The following ADGRL2 variants were observed in gnomAD, a reference collection of about 807,000 sequenced individuals.
ADGRL2 encodes calcium-independent alpha-latrotoxin receptor 2.
In ADGRL2, 44 loss-of-function variants were observed where a neutral mutation model predicts 157.4. The observed-to-expected ratio is 0.28, with a 90% CI of 0.22 to 0.36. ADGRL2 has a LOEUF of 0.36. ADGRL2 is among the 10% of genes least tolerant of loss of function. ADGRL2 has a pLI of 1.00. For synonymous variants in ADGRL2, 585 were observed against 624.7 expected, an observed-to-expected ratio of 0.94 and a Z score of 0.95; for missense variants, 1,510 against 1,768.9, an observed-to-expected ratio of 0.85 and a Z score of 2.63.
At chr1:81,773,901 G>C (rs1390844033) in intron 2 of ADGRL2, among the ~76,000 whole-genome samples, 2 of 152,136 alleles carry the variant, frequency 1.3e-5, no homozygotes, top group African/African-American at 4.8e-5. Flanking sequence ...AGGTCATCGG[G>C]GTGGCCCCAA....
intron 1 of ADGRL2, among the ~76,000 whole-genome samples, chr1:81,802,412 C>T (rs918053578): frequency 6.6e-6 from 1 of 152,002 alleles, no homozygotes; most frequent in Non-Finnish European, 1.5e-5. Context: ...TCGCTCCCTC[C>T]CCCCAATCTC....
chr1:81,432,468 G>A (rs1225874137), intron 1 of ADGRL2, among the ~76,000 whole-genome samples: 1 of 152,180 alleles, frequency 6.6e-6, no homozygotes, highest in East Asian at 1.9e-4. Context: ...CTGTAATTAT[G>A]TTGATTTTTT....
At chr1:81,443,365 C>T (rs1557693069) in intron 1 of ADGRL2, among the ~76,000 whole-genome samples, 1 of 151,866 alleles carries the variant, frequency 6.6e-6, no homozygotes, top group African/African-American at 2.4e-5. Flanking sequence ...GAGGTTGCAA[C>T]CCAGGAGGCA....
In ADGRL2 at chr1:81,404,543, G is replaced by A. The variant is rs117786408; in HGVS notation, c.-301-40493G>A. 2.0e-3 allele frequency among the ~76,000 whole-genome samples: 302 copies of A among 152,296 alleles called. 5 individuals carry two copies. In the East Asian group the frequency reaches 0.024, roughly 12 times the overall value. On this transcript the variant is annotated intron_variant, in intron 1 of 24. Coordinates refer to the ADGRL2 transcript ENST00000370721. ...AACAATTAGTAAGAGGCAAAGCTCA[G>A]CTTCAAACCCAGAACTTAAGCTCTC...
intron 1 of ADGRL2, among the ~76,000 whole-genome samples, chr1:81,376,253 C>T (rs1457394640): frequency 1.3e-5 from 2 of 152,222 alleles, no homozygotes; most frequent in Non-Finnish European, 2.9e-5. Context: ...TAGGCATTTT[C>T]CCAGCTGCCT....
chr1:81,546,255 C>T (rs897523487), intron 2 of ADGRL2, among the ~76,000 whole-genome samples: 11 of 152,128 alleles, frequency 7.2e-5, no homozygotes, highest in Non-Finnish European at 1.5e-5. Context: ...TCTTTCTGCC[C>T]AGCACTATGG....
At chr1:81,784,254 T>C (rs1239792276) in intron 2 of ADGRL2, among the ~76,000 whole-genome samples, 1 of 152,250 alleles carries the variant, frequency 6.6e-6, no homozygotes, top group Non-Finnish European at 1.5e-5. Flanking sequence ...ATCTTTAATA[T>C]AGCTTTTACT....
intron 2 of ADGRL2, among the ~76,000 whole-genome samples, chr1:81,562,385 T>A (rs1434627725): frequency 1.3e-5 from 2 of 152,188 alleles, no homozygotes; most frequent in African/African-American, 4.8e-5. Flanking sequence ...AAAGGAAAAC[T>A]AGGAAACAAT....
intron 1 of ADGRL2, among the ~76,000 whole-genome samples, chr1:81,434,353 T>G (rs546682593): frequency 6.6e-6 from 1 of 152,228 alleles, no homozygotes; most frequent in Admixed American, 6.5e-5. Flanking sequence ...TTCTATTTTA[T>G]GTTTCTTCAC....
chr1:81,903,715 T>TTA (rs201399955), intron 2 of ADGRL2, among the ~76,000 whole-genome samples: 27,121 of 145,030 alleles, frequency 0.19, 3,117 homozygotes, highest in East Asian at 0.59. Context: ...TATATATTCA[T>TTA]TATATATATA....
At chr1:81,906,767 C>T (rs745588143) in intron 2 of ADGRL2, among the ~76,000 whole-genome samples, 1 of 151,832 alleles carries the variant, frequency 6.6e-6, no homozygotes, top group Non-Finnish European at 1.5e-5. Flanking sequence ...ACTAAAAAAG[C>T]CATTTAGTTT....
chr1:81,364,454 G>T (rs1037492548), intron 1 of ADGRL2, among the ~76,000 whole-genome samples: 1 of 152,072 alleles, frequency 6.6e-6, no homozygotes, highest in Non-Finnish European at 1.5e-5. Context: ...GGGTAGGTAC[G>T]GAAGGTTAAC....
chr1:81,985,531 C>T, intron 21 of ADGRL2, 176 bp downstream of exon 21: 1 of 394,086 alleles, frequency 2.5e-6, no homozygotes. Context: ...CTAGGGAGTA[C>T]AGATTTATCC....
At chr1:81,374,142 T>A (rs1009649453) in intron 1 of ADGRL2, among the ~76,000 whole-genome samples, 16 of 152,184 alleles carry the variant, frequency 1.1e-4, no homozygotes, top group African/African-American at 3.6e-4. Context: ...TAAGCTTAGC[T>A]ATACATATAC....
At chr1:81,931,053 G>A (rs1007133662) in intron 3 of ADGRL2, among the ~76,000 whole-genome samples, 4 of 152,202 alleles carry the variant, frequency 2.6e-5, no homozygotes, top group East Asian at 1.9e-4. Flanking sequence ...GGAGGCTGAG[G>A]CAGGAGAATT....
At chr1:81,633,577 C>A in intron 3 of ADGRL2, among the ~76,000 whole-genome samples, 1 of 111,068 alleles carries the variant, frequency 9.0e-6, no homozygotes. Flanking sequence ...GCCTGGGTAA[C>A]AGAGCAAGAC....
chr1:81,416,470 T>C (rs1570908141), intron 1 of ADGRL2, among the ~76,000 whole-genome samples: 1 of 152,330 alleles, frequency 6.6e-6, no homozygotes. Context: ...GTAACTTGAC[T>C]TTAAATTATC....
chr1:81,756,972 T>C (rs911472064), intron 1 of ADGRL2, among the ~76,000 whole-genome samples: 2 of 152,172 alleles, frequency 1.3e-5, no homozygotes, highest in African/African-American at 4.8e-5. Flanking sequence ...CATGAAGTCA[T>C]AGTGACACTT....
At chr1:81,359,288 G>A (rs1267319366) in intron 1 of ADGRL2, among the ~76,000 whole-genome samples, 1 of 152,028 alleles carries the variant, frequency 6.6e-6, no homozygotes, top group African/African-American at 2.4e-5. Flanking sequence ...ATCTGCCATT[G>A]TGAAGCATTC....
Sources: gnomAD v4.1 joint callset for allele counts (sites outside exome capture counted in the v4.1 genomes callset) on GRCh38, gnomAD v4.1.1 for gene constraint, MANE v1.5 for transcripts, NCBI Gene and HGNC (gene_info 2026-07-23, HGNC 2026-07-21) for gene names.